Variants in CNBD2 observed in about 807,000 individuals in gnomAD.
The protein encoded by CNBD2 is cyclic nucleotide-binding domain-containing protein 2.
Under a neutral mutation model 63.7 loss-of-function variants are expected in CNBD2, and 64 were observed. The observed-to-expected ratio is 1.00, with a 90% CI of 0.82 to 1.24. CNBD2 has a LOEUF of 1.24. Ranked by LOEUF, CNBD2 falls within the 50% of genes most tolerant of loss-of-function variation. CNBD2 has a pLI of 0.00. For missense variants in CNBD2, 691 were observed against 713.5 expected (o/e 0.97, Z 0.36); for synonymous variants, 229 against 255.4 (o/e 0.90, Z 0.99).
Position 36,023,655 on chromosome 20 carries a change from C to T in CNBD2, c.1323C>T (p.Ile441=). ...GTGAATGCGACACACGACCCTTGATCCTGATGAGCCTGGGAAATGAGTTGA... is the reference window on the plus strand; with the variant it reads ...GTGAATGCGACACACGACCCTTGATTCTGATGAGCCTGGGAAATGAGTTGA... ...PEGECDTRPL[I]LMSLGNELIR... The change falls in exon 11 of 12, where the codon ATC becomes ATT. Residue 441 remains isoleucine (I), a synonymous_variant. Coordinates refer to ENST00000373973, the MANE Select transcript of CNBD2 (RefSeq NM_001365709.1). The T allele has an allele frequency of 6.2e-7, 1 of 1,613,734 alleles. No homozygotes were observed. The highest frequency in any genetic ancestry group is 8.5e-7 in the Non-Finnish European group (1 of 1,179,836).
chr20:35,999,492 A>G (rs1379704714), intron 8 of CNBD2, among the ~76,000 whole-genome samples: 1 of 152,010 alleles, frequency 6.6e-6, no homozygotes, highest in Non-Finnish European at 1.5e-5. Flanking sequence ...CATTGTATAT[A>G]CTTTTAACTT....
upstream of CNBD2, among the ~76,000 whole-genome samples, chr20:35,964,556 A>ATTT (rs61569495): frequency 4.0e-3 from 572 of 141,796 alleles, 5 homozygotes; most frequent in African/African-American, 0.014. Context: ...ACGCCCGGCT[A>ATTT]TTTTTTTTTT....
chr20:36,011,049 A>T (rs1407699780), intron 9 of CNBD2, 88 bp from the exon 10 acceptor site: 1 of 1,286,670 alleles, frequency 7.8e-7, no homozygotes, highest in Non-Finnish European at 1.0e-6. Context: ...GGAGCCCTCC[A>T]TGTGCAGAAG....
Position 35,987,123 on chromosome 20 carries a change from A to G in CNBD2, c.717-272A>G, listed in dbSNP as rs896808423. ...TTGGAAGGAGGAGCAGAGGTGAGAAAAGCACAGAGGCTGGATCACCCAGGG... is the reference window on the plus strand; with the variant it reads ...TTGGAAGGAGGAGCAGAGGTGAGAAGAGCACAGAGGCTGGATCACCCAGGG... On this transcript the variant is annotated intron_variant, in intron 6 of 11. Coordinates refer to ENST00000373973, the MANE Select transcript of CNBD2 (RefSeq NM_001365709.1). 2.4e-4 allele frequency among the ~76,000 whole-genome samples: 36 copies of G among 152,082 alleles called. 1 individual carries two copies. The highest frequency in any genetic ancestry group is 7.7e-4 in the East Asian group (4 of 5,186).
intron 9 of CNBD2, 150 bp from the exon 10 acceptor site, chr20:36,010,987 C>A: frequency 1.3e-6 from 1 of 775,848 alleles, no homozygotes; most frequent in Non-Finnish European, 1.8e-6. Flanking sequence ...GGAGTCAGGG[C>A]TTGATTTTGA....
chr20:35,967,374 C>T (rs867993138), upstream of CNBD2, among the ~76,000 whole-genome samples: 17 of 150,892 alleles, frequency 1.1e-4, no homozygotes, highest in African/African-American at 3.7e-4. Flanking sequence ...CTCAGCCTCC[C>T]GAGTAGCTGG....
chr20:36,003,225 T>C (rs2056940496), intron 8 of CNBD2, among the ~76,000 whole-genome samples: 1 of 152,216 alleles, frequency 6.6e-6, no homozygotes, highest in Admixed American at 6.5e-5. Context: ...AATGCCCTTA[T>C]GTACTAATTC....
intron 10 of CNBD2, among the ~76,000 whole-genome samples, chr20:36,015,073 A>G (rs933773027): frequency 6.6e-6 from 1 of 152,188 alleles, no homozygotes; most frequent in African/African-American, 2.4e-5. Context: ...GTATGACTCA[A>G]CATCTCATTG....
intron 11 of CNBD2, 28 bp downstream of exon 11, chr20:36,023,799 C>T (rs528826157): frequency 2.6e-6 from 4 of 1,536,398 alleles, no homozygotes; most frequent in Admixed American, 2.1e-5. Flanking sequence ...GCGTAAGTCC[C>T]ATCAGGTGAA....
intron 11 of CNBD2, among the ~76,000 whole-genome samples, chr20:36,027,128 G>A (rs559941872): frequency 2.6e-5 from 4 of 152,234 alleles, no homozygotes; most frequent in South Asian, 2.1e-4. Flanking sequence ...TATTCACTTC[G>A]TGAATATGTG....
At chr20:36,017,030 A>C (rs1285536251) in intron 10 of CNBD2, among the ~76,000 whole-genome samples, 1 of 149,570 alleles carries the variant, frequency 6.7e-6, no homozygotes, top group Non-Finnish European at 1.5e-5. Context: ...CTGTACTTCA[A>C]TCTGAACAAT....
intron 9 of CNBD2, 144 bp from the exon 10 acceptor site, chr20:36,010,993 T>C (rs1055947226): frequency 5.9e-6 from 5 of 840,678 alleles, no homozygotes; most frequent in Non-Finnish European, 8.4e-6. Context: ...AGGGCTTGAT[T>C]TTGAGTTTTC....
intron 8 of CNBD2, among the ~76,000 whole-genome samples, chr20:35,998,046 T>C (rs868622839): frequency 6.9e-5 from 10 of 144,788 alleles, no homozygotes; most frequent in South Asian, 2.2e-4. Context: ...TTTTCTTTTT[T>C]TTTTTTTTTT....
At chr20:36,006,024 A>AT (rs553416540) in intron 8 of CNBD2, among the ~76,000 whole-genome samples, 5,302 of 149,046 alleles carry the variant, frequency 0.036, 332 homozygotes, top group African/African-American at 0.12. Context: ...CATACTAGAG[A>AT]TTTTTTTTTT....
exon 1 of CNBD2, chr20:35,954,768 C>T: frequency 2.0e-6 from 1 of 495,504 alleles, no homozygotes; most frequent in South Asian, 2.0e-5. Context: ...CCTTTGCGTG[C>T]GGGCGCCCCT....
chr20:36,026,617 G>A (rs774909193), intron 11 of CNBD2, among the ~76,000 whole-genome samples: 4 of 152,066 alleles, frequency 2.6e-5, no homozygotes, highest in East Asian at 1.9e-4. Flanking sequence ...CAGCCCAGGC[G>A]GGTTGCCTGC....
At chr20:35,996,396 C>CATACATCT (rs11167282) in intron 8 of CNBD2, among the ~76,000 whole-genome samples, 42,997 of 151,780 alleles carry the variant, frequency 0.28, 7,184 homozygotes, top group African/African-American at 0.46. Flanking sequence ...TATCCCAACT[C>CATACATCT]AGTAACAAGT....
Position 35,973,059 on chromosome 20 carries a change from T to C in CNBD2, c.189+293T>C, listed in dbSNP as rs2056444973. ...GCAACAGCAGGCCTGCTGCCAAAAC[T>C]CATGGCAGGGAAAGGTGGAGCAAAA... On this transcript the variant is annotated intron_variant, in intron 2 of 11. Transcript: ENST00000373973. 6.2e-6 allele frequency: 3 copies of C among 485,104 alleles called. No homozygotes were observed. In the East Asian group the frequency reaches 9.6e-5, roughly 15 times the overall value. The allele number at this position is 485,104 out of a possible 1,614,324, so 30.0% of individuals were successfully genotyped here.
chr20:35,981,326 G>C (rs2147234586), intron 4 of CNBD2, among the ~76,000 whole-genome samples: 1 of 152,284 alleles, frequency 6.6e-6, no homozygotes, highest in South Asian at 2.1e-4. Context: ...TTACTTCAGT[G>C]AACAGTGCCT....
Sources: allele counts gnomAD v4.1 joint callset (sites outside exome capture counted in the v4.1 genomes callset), GRCh38; gene constraint gnomAD v4.1.1; transcripts MANE v1.5; gene names NCBI Gene and HGNC (gene_info 2026-07-23, HGNC 2026-07-21).